THRAP3: variants seen among roughly 807,000 people sequenced by gnomAD.
THRAP3 encodes the protein thyroid hormone receptor-associated protein 3.
THRAP3 carries 16 observed loss-of-function variants against 101.0 expected under a neutral mutation model. The ratio of observed to expected loss-of-function variants is 0.16; its 90% CI spans 0.11 to 0.24. The LOEUF is 0.24. THRAP3 is among the 10% of genes least tolerant of loss of function. THRAP3 has a pLI of 1.00. For synonymous variants in THRAP3, 407 were observed against 422.6 expected (o/e 0.96, Z 0.45); for missense variants, 989 against 1,202.7 (o/e 0.82, Z 2.63).
At chr1:36,240,167 G>A (rs564630932) in intron 1 of THRAP3, among the ~76,000 whole-genome samples, 1 of 152,298 alleles carries the variant, frequency 6.6e-6, no homozygotes, top group African/African-American at 2.4e-5. Flanking sequence ...GGAAGAATTG[G>A]CTCTCACAGT....
the THRAP3 span, among the ~76,000 whole-genome samples, chr1:36,214,514 C>T: frequency 6.6e-6 from 1 of 152,200 alleles, no homozygotes; most frequent in Non-Finnish European, 1.5e-5. Context: ...CCCACTTTCA[C>T]TCTGGTTTGC....
intron 1 of THRAP3, among the ~76,000 whole-genome samples, chr1:36,238,213 C>G (rs1011960773): frequency 2.0e-5 from 3 of 152,054 alleles, no homozygotes; most frequent in Non-Finnish European, 2.9e-5. Flanking sequence ...AGCCATCTGC[C>G]CACCTCAGCT....
intron 6 of THRAP3, among the ~76,000 whole-genome samples, chr1:36,292,211 A>G (rs929339926): frequency 6.7e-6 from 1 of 149,164 alleles, no homozygotes; most frequent in Non-Finnish European, 1.5e-5. Flanking sequence ...GGTTCCTGCA[A>G]AAGAGTTAAA....
chr1:36,242,470 T>C, intron 1 of THRAP3, among the ~76,000 whole-genome samples: 1 of 98,836 alleles, frequency 1.0e-5, no homozygotes, highest in East Asian at 3.1e-4. Context: ...TTTTTTTTTT[T>C]GAGATGGAGT....
At chr1:36,250,990 G>A (rs577741107) in intron 1 of THRAP3, among the ~76,000 whole-genome samples, 17 of 151,610 alleles carry the variant, frequency 1.1e-4, no homozygotes, top group Non-Finnish European at 2.5e-4. Flanking sequence ...CAAGTGATCC[G>A]CCCACCTTGG....
intron 1 of THRAP3, among the ~76,000 whole-genome samples, chr1:36,232,108 T>A (rs1645034698): frequency 6.6e-6 from 1 of 151,976 alleles, no homozygotes; most frequent in Non-Finnish European, 1.5e-5. Context: ...CTCAGCTACT[T>A]GGGAGGCTGA....
At chr1:36,252,846 G>A (rs1645319494) in intron 1 of THRAP3, among the ~76,000 whole-genome samples, 1 of 149,518 alleles carries the variant, frequency 6.7e-6, no homozygotes, top group Admixed American at 6.8e-5. Flanking sequence ...GACAGGGGTT[G>A]CACTGAGCCA....
intron 2 of THRAP3, 123 bp from the exon 3 acceptor site, chr1:36,282,410 T>TTG: frequency 1.5e-6 from 1 of 682,818 alleles, no homozygotes; most frequent in Non-Finnish European, 2.3e-6. Context: ...TTTTTTTTTT[T>TTG]TTGTAGATAT....
At chr1:36,241,842 G>A (rs149326487) in intron 1 of THRAP3, 12,841 of 152,430 alleles carry the variant, frequency 0.084, 762 homozygotes, top group Middle Eastern at 0.23. Flanking sequence ...GCCTCCCAAA[G>A]TGTTGGGATT....
intron 1 of THRAP3, among the ~76,000 whole-genome samples, chr1:36,236,414 C>G (rs1251567861): frequency 6.6e-6 from 1 of 152,092 alleles, no homozygotes. Context: ...AGTAGAGAGA[C>G]AGTGCTGGTA....
the THRAP3 span, among the ~76,000 whole-genome samples, chr1:36,218,958 A>G: frequency 3.5e-4 from 51 of 145,714 alleles, no homozygotes; most frequent in African/African-American, 1.1e-3. Context: ...GCTTGAACCC[A>G]GGAGGTGGAG....
chr1:36,247,274 G>A (rs1645242657), intron 1 of THRAP3, among the ~76,000 whole-genome samples: 1 of 151,976 alleles, frequency 6.6e-6, no homozygotes. Context: ...CTGAGATGGA[G>A]TCACTGCACT....
chr1:36,302,599 G>A (rs1573020), intron 11 of THRAP3, among the ~76,000 whole-genome samples: 134,379 of 152,204 alleles, frequency 0.88, 61,745 homozygotes, highest in Non-Finnish European at 1. Flanking sequence ...AGCCTGATTC[G>A]TTTAGTGTGA....
chr1:36,253,596 TTTG>T (rs1426853795), intron 1 of THRAP3, among the ~76,000 whole-genome samples: 2 of 152,048 alleles, frequency 1.3e-5, no homozygotes, highest in African/African-American at 4.8e-5. Flanking sequence ...GACTTCTAAT[TTTG>T]TTTTATTTCT....
At chr1:36,264,195 T>C (rs1557430042) in intron 2 of THRAP3, among the ~76,000 whole-genome samples, 2 of 152,198 alleles carry the variant, frequency 1.3e-5, no homozygotes, top group Admixed American at 6.5e-5. Context: ...TTTTAATAAA[T>C]AGCAAGAAAA....
At chr1:36,235,626 A>G (rs1645076312) in intron 1 of THRAP3, among the ~76,000 whole-genome samples, 1 of 152,184 alleles carries the variant, frequency 6.6e-6, no homozygotes, top group South Asian at 2.1e-4. Flanking sequence ...ATTGTTGGTG[A>G]AGGTTTGGGG....
At chr1:36,276,217 TAA>T (rs781047221) in intron 2 of THRAP3, among the ~76,000 whole-genome samples, 103 of 126,460 alleles carry the variant, frequency 8.1e-4, no homozygotes, top group Admixed American at 8.8e-4. Context: ...TTCAGCAGAG[TAA>T]AAAAAAAAAA....
At chr1:36,226,847 G>T (rs1371682493) in intron 1 of THRAP3, among the ~76,000 whole-genome samples, 1 of 152,206 alleles carries the variant, frequency 6.6e-6, no homozygotes, top group African/African-American at 2.4e-5. Flanking sequence ...TGTGATGACA[G>T]ATGAGGTCTT....
At chr1:36,248,466 G>A (rs1317085746) in intron 1 of THRAP3, among the ~76,000 whole-genome samples, 1 of 58,464 alleles carries the variant, frequency 1.7e-5, no homozygotes, top group Non-Finnish European at 3.5e-5. Context: ...TTTTTTTTTT[G>A]TGAGACAGTT....
Sources: allele counts gnomAD v4.1 joint callset (sites outside exome capture counted in the v4.1 genomes callset), GRCh38; gene constraint gnomAD v4.1.1; transcripts MANE v1.5; gene names NCBI Gene and HGNC (gene_info 2026-07-23, HGNC 2026-07-21).